FGF13: variants seen among roughly 807,000 people sequenced by gnomAD.
The protein encoded by FGF13 is fibroblast growth factor homologous factor 2.
Under a neutral mutation model 19.5 loss-of-function variants are expected in FGF13, and 2 were observed. The ratio of observed to expected loss-of-function variants is 0.10; its 90% CI spans 0.04 to 0.32. FGF13 has a LOEUF of 0.32. FGF13 is among the 10% of genes least tolerant of loss of function. The pLI is 1.00. For synonymous variants in FGF13, 72 were observed against 76.9 expected, an observed-to-expected ratio of 0.94 and a Z score of 0.33; for missense variants, 113 against 192.7, an observed-to-expected ratio of 0.59 and a Z score of 2.45.
intron 1 of FGF13, among the ~76,000 whole-genome samples, chrX:139,102,218 A>G (rs2083520226): frequency 8.9e-6 from 1 of 111,889 alleles, no homozygotes; most frequent in Admixed American, 9.5e-5. Flanking sequence ...GTGCTTGGAG[A>G]CAGAAGTTTT....
At chrX:138,743,016 A>ACAGATATATTT (rs2090330066), upstream of FGF13, among the ~76,000 whole-genome samples, 1 of 111,587 alleles carries the variant, frequency 9.0e-6, no homozygotes, top group African/African-American at 3.3e-5. Context: ...GGGAGTAAGG[A>ACAGATATATTT]CAGATATATT....
chrX:138,894,057 A>T (rs1025793890), intron 1 of FGF13, among the ~76,000 whole-genome samples: 1 of 111,887 alleles, frequency 8.9e-6, no homozygotes, highest in African/African-American at 3.3e-5. Context: ...TATGAGCCGA[A>T]TGGACTTATT....
intron 1 of FGF13, among the ~76,000 whole-genome samples, chrX:139,018,137 C>T (rs1234140506): frequency 1.8e-5 from 2 of 111,582 alleles, no homozygotes; most frequent in Admixed American, 9.5e-5. Flanking sequence ...GTTGTGAAGA[C>T]TGATGCATGG....
chrX:139,176,175 T>C lies in FGF13; in HGVS notation c.-113+27241A>G, dbSNP rs144350989. On this transcript the variant is annotated intron_variant, in intron 1 of 2. Coordinates refer to the FGF13 transcript ENST00000421460. ...ATTTATCCCTTTCTTCTAGATTTTCTAGTTTATTTGTATAGAGGTGTTTAT... is the reference window on the plus strand; with the variant it reads ...ATTTATCCCTTTCTTCTAGATTTTCCAGTTTATTTGTATAGAGGTGTTTAT... Among the ~76,000 whole-genome samples, 458 of 111,934 alleles carry C rather than the reference T, an allele frequency of 4.1e-3. 2 individuals carry two copies. Among genetic ancestry groups the C allele is most frequent in the African/African-American group, 0.014 (441 of 30,813 alleles).
chrX:139,127,842 C>T (rs2083728424), intron 1 of FGF13, among the ~76,000 whole-genome samples: 1 of 111,126 alleles, frequency 9.0e-6, no homozygotes, highest in Non-Finnish European at 1.9e-5. Flanking sequence ...CATTATCCCA[C>T]CAACCCCTGG....
At chrX:138,743,258 C>T (rs772850229), upstream of FGF13, among the ~76,000 whole-genome samples, 1 of 111,326 alleles carries the variant, frequency 9.0e-6, no homozygotes, top group African/African-American at 3.3e-5. Flanking sequence ...ACTTTAAGTG[C>T]ATATTACTAA....
At chrX:138,846,573 G>A (rs1438342675) in intron 3 of FGF13, among the ~76,000 whole-genome samples, 1 of 112,188 alleles carries the variant, frequency 8.9e-6, no homozygotes, top group Non-Finnish European at 1.9e-5. Context: ...CTTCTGCCAT[G>A]ATTAAATGTC....
At chrX:139,052,775 ATTGCTT>A (rs1423710889) in intron 1 of FGF13, among the ~76,000 whole-genome samples, 1 of 111,851 alleles carries the variant, frequency 8.9e-6, no homozygotes, top group Non-Finnish European at 1.9e-5. Context: ...CTTAGTAGCC[ATTGCTT>A]TTTGTTTGTT....
chrX:139,147,315 G>A (rs193062038), intron 1 of FGF13, among the ~76,000 whole-genome samples: 16 of 110,025 alleles, frequency 1.5e-4, no homozygotes, highest in African/African-American at 5.0e-4. Context: ...GATTTCCTCC[G>A]TGTTCCATCT....
intron 1 of FGF13, among the ~76,000 whole-genome samples, chrX:138,943,936 C>T (rs747960860): frequency 3.6e-5 from 4 of 111,339 alleles, no homozygotes; most frequent in African/African-American, 9.8e-5. Context: ...AGGCTGGGTA[C>T]GAATTCAGAA....
At chrX:138,904,536 C>T (rs765237621) in intron 1 of FGF13, among the ~76,000 whole-genome samples, 174 of 111,736 alleles carry the variant, frequency 1.6e-3, no homozygotes, top group Non-Finnish European at 2.5e-3. Flanking sequence ...ATAAGTGGTG[C>T]TCAACTTGCA....
intron 1 of FGF13, among the ~76,000 whole-genome samples, chrX:139,178,787 A>G (rs1275849132): frequency 8.9e-6 from 1 of 112,244 alleles, no homozygotes; most frequent in Non-Finnish European, 1.9e-5. Flanking sequence ...TTTTGGTGTG[A>G]GGTTTGTAAT....
intron 1 of FGF13, among the ~76,000 whole-genome samples, chrX:138,733,041 A>G (rs1369892785): frequency 8.9e-6 from 1 of 111,737 alleles, no homozygotes; most frequent in Non-Finnish European, 1.9e-5. Flanking sequence ...AGAATACAGA[A>G]TTTTCCCATA....
At chrX:138,999,874 A>C (rs2092063987) in intron 1 of FGF13, among the ~76,000 whole-genome samples, 1 of 111,962 alleles carries the variant, frequency 8.9e-6, no homozygotes, top group Non-Finnish European at 1.9e-5. Context: ...CCTGGCAGAG[A>C]CACAACAAAA....
chrX:138,820,662 T>C (rs2090993903), intron 3 of FGF13, among the ~76,000 whole-genome samples: 1 of 111,988 alleles, frequency 8.9e-6, no homozygotes, highest in Non-Finnish European at 1.9e-5. Flanking sequence ...TCAACTTACA[T>C]CTGAAGGTAA....
chrX:138,787,193 G>T (rs1363990778), intron 3 of FGF13, among the ~76,000 whole-genome samples: 2 of 112,631 alleles, frequency 1.8e-5, no homozygotes, highest in East Asian at 5.6e-4. Context: ...ACGATTAATT[G>T]ATATTTGAAT....
chrX:139,189,405 G>A, intron 1 of FGF13, among the ~76,000 whole-genome samples: 2 of 111,603 alleles, frequency 1.8e-5, no homozygotes, highest in Non-Finnish European at 3.8e-5. Flanking sequence ...CTCCTTGGAC[G>A]AATGGATAAG....
chrX:138,881,869 T>A (rs2091427069), intron 1 of FGF13, among the ~76,000 whole-genome samples: 1 of 110,754 alleles, frequency 9.0e-6, no homozygotes, highest in Non-Finnish European at 1.9e-5. Context: ...TCATTGATTC[T>A]CCATATTGTT....
chrX:139,049,663 T>G (rs1370686728), intron 1 of FGF13, among the ~76,000 whole-genome samples: 1 of 112,683 alleles, frequency 8.9e-6, no homozygotes, highest in Non-Finnish European at 1.9e-5. Context: ...GGAAAGCTGG[T>G]CTGAGTCTGC....
Sources: allele counts gnomAD v4.1 joint callset (sites outside exome capture counted in the v4.1 genomes callset), GRCh38; gene constraint gnomAD v4.1.1; transcripts MANE v1.5; gene names NCBI Gene and HGNC (gene_info 2026-07-23, HGNC 2026-07-21).